ANGPTL3: variants seen among roughly 807,000 people sequenced by gnomAD.
ANGPTL3 encodes angiopoietin-related protein 3.
Under a neutral mutation model 52.7 loss-of-function variants are expected in ANGPTL3, and 51 were observed. The ratio of observed to expected loss-of-function variants is 0.97; its 90% confidence interval spans 0.77 to 1.22. The LOEUF (loss-of-function observed/expected upper bound fraction) is 1.22, where lower values mean the gene tolerates loss of function less well. Ranked by LOEUF, ANGPTL3 falls within the 50% of genes most tolerant of loss-of-function variation. The probability of loss-of-function intolerance (pLI) is 0.00; values close to 1 mark genes in which losing one functional copy is unlikely to be tolerated. For missense variants in ANGPTL3, 506 were observed against 520.7 expected (o/e 0.97, Z 0.27); for synonymous variants, 185 against 179.8 (o/e 1.03, Z -0.23).
At chr1:62,600,586 CA>C (rs1241036952) in intron 2 of ANGPTL3, among the ~76,000 whole-genome samples, 1 of 151,744 alleles carries the variant, frequency 6.6e-6, no homozygotes, top group African/African-American at 2.4e-5. Flanking sequence ...AGAAAGTAAG[CA>C]AACAAACTTG....
In ANGPTL3 at chr1:62,602,319, T is replaced by C; in HGVS notation, c.870T>C (p.Asp290=). 2 of 1,610,860 alleles carry C rather than the reference T, an allele frequency of 1.2e-6. No individual in the cohort carries two copies. Among genetic ancestry groups the C allele is most frequent in the Non-Finnish European group, 1.7e-6 (2 of 1,177,714 alleles). The part of the protein sequence containing the change: ...SPWTLIQHRI[D]GSQNFNETWE... ...GGACATTAATTCAACATCGAATAGATGGATCACAAAACTTCAATGAAACGT... is the reference window on the plus strand; with the variant it reads ...GGACATTAATTCAACATCGAATAGACGGATCACAAAACTTCAATGAAACGT... The change falls in exon 5 of 7, where the codon GAT becomes GAC. Residue 290 remains aspartate, a synonymous_variant. Coordinates refer to ENST00000371129, the MANE Select transcript of ANGPTL3 (RefSeq NM_014495.4).
Position 62,604,004 on chromosome 1 carries a change from A to G in ANGPTL3, c.967A>G (p.Ile323Val), listed in dbSNP as rs766807843. 11 of 1,613,106 alleles carry G rather than the reference A, an allele frequency of 6.8e-6. No homozygotes were observed. Among genetic ancestry groups the G allele is most frequent in the South Asian group, 2.2e-5 (2 of 91,054 alleles). Residue 323 changes from isoleucine (I) to valine (V), a missense_variant, in exon 6 of 7, where the codon ATA (isoleucine) becomes GTA (valine). By Grantham distance (29) the Ile-to-Val change is conservative (BLOSUM62 3). Transcript: ENST00000371129. ...FWLGLEKIYS[I>V]VKQSNYVLRI... Reference sequence around the variant, plus strand: ...GTTGGGCCTAGAGAAGATATACTCCATAGTGAAGCAATCTAATTATGTTTT... The same window carrying G: ...GTTGGGCCTAGAGAAGATATACTCCGTAGTGAAGCAATCTAATTATGTTTT...
intron 6 of ANGPTL3, 115 bp downstream of exon 6, chr1:62,604,350 T>A: frequency 7.6e-7 from 1 of 1,324,028 alleles, no homozygotes; most frequent in South Asian, 1.3e-5. Context: ...ATAAGCGTTT[T>A]CTCTCTAGAC....
In ANGPTL3 at chr1:62,604,215, ACTG is replaced by A; in HGVS notation, c.1179_1181del (p.Cys394del). The stretch of plus-strand genomic sequence containing the variant: ...GATCACAAAGCAAAAGGACACTTCA[ACTG>A]TCCAGAGGGTTATTCAGGTATCTTT... On this transcript the variant is annotated inframe_deletion, in exon 6 of 7. Transcript: ENST00000371129. 1 of 1,613,280 alleles carries A rather than the reference ACTG, an allele frequency of 6.2e-7. No homozygotes were observed. Among genetic ancestry groups the A allele is most frequent in the Non-Finnish European group, 8.5e-7 (1 of 1,179,364 alleles).
At chr1:62,598,170 C>A in intron 1 of ANGPTL3, 109 bp downstream of exon 1, 1 of 1,046,840 alleles carries the variant, frequency 9.6e-7, no homozygotes, top group Non-Finnish European at 1.3e-6. Flanking sequence ...TGTTGAAATA[C>A]TTTTTTTTCC....
chr1:62,603,888 C>T (rs1259092363), intron 5 of ANGPTL3, 81 bp from the exon 6 acceptor site: 2 of 1,354,540 alleles, frequency 1.5e-6, no homozygotes, highest in Non-Finnish European at 1.0e-6. Flanking sequence ...ATTAGTTGCA[C>T]CAATAAAAAA....
At position 62,604,819 on chromosome 1, in the gene ANGPTL3, C is replaced by G; in HGVS notation, c.*2C>G. 5 of 1,612,366 alleles carry G rather than the reference C, an allele frequency of 3.1e-6. No homozygotes were observed. Among genetic ancestry groups the G allele is most frequent in the Non-Finnish European group, 4.2e-6 (5 of 1,178,920 alleles). On this transcript the variant is annotated 3_prime_UTR_variant, in exon 7 of 7. Transcript: ENST00000371129. ...ACAGATTCAGAAAGCTTTGAATGAA[C>G]TGAGGCAAATTTAAAAGGCAATAAT... is the stretch of plus-strand genomic sequence containing the variant.
intron 5 of ANGPTL3, 71 bp from the exon 6 acceptor site, chr1:62,603,898 A>C: frequency 6.8e-7 from 1 of 1,465,528 alleles, no homozygotes; most frequent in Non-Finnish European, 9.5e-7. Context: ...CCAATAAAAA[A>C]CACTTAAAAA....
chr1:62,598,925 CTG>C, intron 2 of ANGPTL3, 119 bp downstream of exon 2: 1 of 691,850 alleles, frequency 1.4e-6, no homozygotes. Context: ...ATCAGCATAA[CTG>C]TTAAAATTGC....
chr1:62,599,887 C>T (rs1388359567), intron 2 of ANGPTL3, among the ~76,000 whole-genome samples: 1 of 151,764 alleles, frequency 6.6e-6, no homozygotes, highest in Non-Finnish European at 1.5e-5. Context: ...ATATGCAGTA[C>T]AATAGTTTAA....
chr1:62,600,525 A>T (rs1399393713), intron 2 of ANGPTL3, among the ~76,000 whole-genome samples: 1 of 151,826 alleles, frequency 6.6e-6, no homozygotes. Context: ...CAACACACTT[A>T]AATAAAAATA....
intron 6 of ANGPTL3, 106 bp from the exon 7 acceptor site, chr1:62,604,527 A>G: frequency 3.3e-6 from 4 of 1,221,732 alleles, no homozygotes; most frequent in Non-Finnish European, 4.8e-6. Context: ...ATGCATCTAA[A>G]ACACTGTAAT....
chr1:62,598,067 T>C lies in ANGPTL3; in HGVS notation c.495+6T>C, dbSNP rs372257803. On this transcript the variant is annotated splice_donor_region_variant and intron_variant, in intron 1 of 6. Coordinates refer to ENST00000371129, the MANE Select transcript of ANGPTL3 (RefSeq NM_014495.4). ...CAGAAGTAACTTCACTTAAAGTAAG[T>C]AGAAAATAAAGAGGGTTCATGTTTA... is the stretch of plus-strand genomic sequence containing the variant. The C allele has an allele frequency of 6.8e-4, 1,077 of 1,577,036 alleles. 1 individual carries two copies. Among genetic ancestry groups the C allele is most frequent in the Non-Finnish European group, 8.5e-4 (992 of 1,168,002 alleles).
chr1:62,605,774 C>T lies in ANGPTL3; in HGVS notation c.*957C>T, dbSNP rs1332359469. ...TGTTTAAAATTCAATAAACAAAGAC[C>T]CAGTCCCTAAATTATAGAAATTTAA... On this transcript the variant is annotated 3_prime_UTR_variant, in exon 7 of 7. Transcript: ENST00000371129. The T allele has an allele frequency of 2.0e-5, 3 of 152,112 alleles. No homozygotes were observed. Among genetic ancestry groups the T allele is most frequent in the East Asian group, 3.9e-4 (2 of 5,194 alleles). The allele number at this position is 152,112 out of a possible 1,614,324, so 9.4% of individuals were successfully genotyped here. A position where few individuals can be genotyped will look rare whatever the true frequency, so the allele number is the denominator to read the frequency against.
Position 62,603,959 on chromosome 1 carries a change from T to C in ANGPTL3, c.932-10T>C. 1 of 1,612,224 alleles carries C rather than the reference T, an allele frequency of 6.2e-7. No individual in the cohort carries two copies. The highest frequency in any genetic ancestry group is 8.5e-7 in the Non-Finnish European group (1 of 1,178,712). The stretch of plus-strand genomic sequence containing the variant: ...AATAACTCACAGATTTTTAAAACTT[T>C]TCTTTTCAGGAGAATTTTGGTTGGG... On this transcript the variant is annotated splice_polypyrimidine_tract_variant and intron_variant, in intron 5 of 6. Transcript: ENST00000371129.
rs940855873 is a variant in ANGPTL3, at chr1:62,605,527, T to C, written c.*710T>C. On this transcript the variant is annotated 3_prime_UTR_variant, in exon 7 of 7. Transcript: ENST00000371129. ...ACCTTATTTGTTAAAATATATACTG[T>C]ATACATTTTATATATTTTAACACTT... is the stretch of plus-strand genomic sequence containing the variant. 1 of 152,454 alleles carries C rather than the reference T, an allele frequency of 6.6e-6. No homozygotes were observed. Among genetic ancestry groups the C allele is most frequent in the Non-Finnish European group, 1.5e-5 (1 of 67,894 alleles). The allele number at this position is 152,454 out of a possible 1,614,324, so 9.4% of individuals were successfully genotyped here. A position where few individuals can be genotyped will look rare whatever the true frequency, so the allele number is the denominator to read the frequency against.
chr1:62,598,939 G>T (rs1243272631), intron 2 of ANGPTL3, 133 bp downstream of exon 2: 1 of 657,768 alleles, frequency 1.5e-6, no homozygotes, highest in African/African-American at 1.8e-5. Context: ...TAAAATTGCA[G>T]GCTCTGAAGC....
chr1:62,605,550 CTT>C lies in ANGPTL3; in HGVS notation c.*734_*735del, dbSNP rs1332479671. On this transcript the variant is annotated 3_prime_UTR_variant, in exon 7 of 7. Coordinates refer to ENST00000371129, the MANE Select transcript of ANGPTL3 (RefSeq NM_014495.4). ...TGTATACATTTTATATATTTTAACA[CTT>C]AATACTATGAAAACAAATAATTGTA... is the stretch of plus-strand genomic sequence containing the variant. The C allele has an allele frequency of 6.6e-6, 1 of 152,274 alleles. No individual in the cohort carries two copies. Among genetic ancestry groups the C allele is most frequent in the Non-Finnish European group, 1.5e-5 (1 of 67,862 alleles). 9.4% of individuals were successfully genotyped at this position (152,274 alleles called of 1,614,324 possible).
rs147500008 is a variant in ANGPTL3 at position 62,597,692 on chromosome 1, T to C, written c.126T>C (p.Asp42=). The change falls in exon 1 of 7, where the codon GAT becomes GAC. Residue 42 remains aspartate, a synonymous_variant. Coordinates refer to ENST00000371129, the MANE Select transcript of ANGPTL3 (RefSeq NM_014495.4). ...EPKSRFAMLD[D]VKILANGLLQ... ...AATCAAGATTTGCTATGTTAGACGATGTAAAAATTTTAGCCAATGGCCTCC... is the reference window on the plus strand; with the variant it reads ...AATCAAGATTTGCTATGTTAGACGACGTAAAAATTTTAGCCAATGGCCTCC... 1.2e-5 allele frequency: 20 copies of C among 1,613,608 alleles called. No homozygotes were observed. The highest frequency in any genetic ancestry group is 1.7e-4 in the Middle Eastern group (1 of 6,052).
Sources: allele counts gnomAD v4.1 joint callset (sites outside exome capture counted in the v4.1 genomes callset), GRCh38; gene constraint gnomAD v4.1.1; transcripts MANE v1.5; gene names NCBI Gene and HGNC (gene_info 2026-07-23, HGNC 2026-07-21).